COL12A1: variants seen among roughly 807,000 people sequenced by gnomAD.
The protein encoded by COL12A1 is collagen alpha-1(XII) chain.
A neutral mutation model predicts 349.7 loss-of-function variants in COL12A1; 114 were observed. The observed-to-expected ratio is 0.33, with a 90% confidence interval of 0.28 to 0.38. The LOEUF (loss-of-function observed/expected upper bound fraction) is 0.38. COL12A1 is among the 10% of genes least tolerant of loss of function. COL12A1 has a pLI of 1.00. For synonymous variants in COL12A1, 1,369 were observed against 1,329.0 expected (o/e 1.03, Z -0.66); for missense variants, 3,284 against 3,756.9 (o/e 0.87, Z 3.29).
In COL12A1 at chr6:75,101,596, T is replaced by G; in HGVS notation, c.8523+4A>C. ...ATCATTGTAGCCTGCTCAAGAAAAC[T>G]TACTCTGTCTCCTGGAGGTCCCATT... On this transcript the variant is annotated splice_donor_region_variant and intron_variant, in intron 58 of 65. Transcript: ENST00000322507. 6.2e-7 allele frequency: 1 copy of G among 1,613,172 alleles called. No individual in the cohort carries two copies. The highest frequency in any genetic ancestry group is 8.5e-7 in the Non-Finnish European group (1 of 1,179,610).
At chr6:75,195,006 A>C (rs1770146479) in intron 2 of COL12A1, 59 bp from the exon 3 acceptor site, 6 of 959,516 alleles carry the variant, frequency 6.3e-6, no homozygotes, top group Non-Finnish European at 7.9e-6. Context: ...GGTCAATTTA[A>C]TTAATAAAGA....
rs762026931 is a variant in COL12A1, at chr6:75,143,861, G to A, written c.4691-473C>T. Among the ~76,000 whole-genome samples, 86 of 152,108 alleles carry A rather than the reference G, an allele frequency of 5.7e-4. 1 individual carries two copies. Among genetic ancestry groups the A allele is most frequent in the Non-Finnish European group, 9.6e-4 (65 of 68,000 alleles). ...CATTAAGCATCCAATAAGCTTATAAGAAAACCCAGACACCTAAATTGTTAG... is the reference window on the plus strand; with the variant it reads ...CATTAAGCATCCAATAAGCTTATAAAAAAACCCAGACACCTAAATTGTTAG... On this transcript the variant is annotated intron_variant, in intron 25 of 65. Coordinates refer to ENST00000322507, the MANE Select transcript of COL12A1 (RefSeq NM_004370.6).
At chr6:75,124,418 A>G (rs1351308919) in intron 40 of COL12A1, 47 bp from the exon 41 acceptor site, 2 of 1,393,052 alleles carry the variant, frequency 1.4e-6, no homozygotes, top group Non-Finnish European at 2.0e-6. Context: ...ATTGAGGCAA[A>G]AAGTGTACTT....
Position 75,155,647 on chromosome 6 carries a change from G to A in COL12A1, c.3443+15C>T, listed in dbSNP as rs762336310. ...ATTAATTTCATCCTTTGATACAAAC[G>A]TAGTTAATTCCTACCTAAGTTCCTC... On this transcript the variant is annotated intron_variant, in intron 16 of 65. Transcript: ENST00000322507. 6.9e-6 allele frequency: 11 copies of A among 1,587,490 alleles called. No homozygotes were observed. The highest frequency in any genetic ancestry group is 2.3e-5 in the East Asian group (1 of 43,686).
chr6:75,089,186 G>T lies in COL12A1; in HGVS notation c.8942-12C>A, dbSNP rs1460507027. The T allele has an allele frequency of 6.3e-7, 1 of 1,589,870 alleles. No homozygotes were observed. The highest frequency in any genetic ancestry group is 8.5e-7 in the Non-Finnish European group (1 of 1,170,474). ...CTCTCCTGGCAAACCTAAGGAGGGA[G>T]AAAAAGAGAAAGCACAGGGGAAAAA... is the stretch of plus-strand genomic sequence containing the variant. On this transcript the variant is annotated splice_polypyrimidine_tract_variant and intron_variant, in intron 63 of 65. Transcript: ENST00000322507.
intron 13 of COL12A1, among the ~76,000 whole-genome samples, chr6:75,174,347 G>A (rs972582243): frequency 1.3e-5 from 2 of 152,058 alleles, no homozygotes; most frequent in African/African-American, 4.8e-5. Context: ...ACGAGGTCAG[G>A]AGATCGAGAT....
At position 75,130,909 on chromosome 6, in the gene COL12A1, G is replaced by C; in HGVS notation, c.6010C>G (p.Leu2004Val). Residue 2004 changes from leucine (L) to valine (V), a missense_variant, in exon 36 of 66, where the codon CTT becomes GTT. Transcript: ENST00000322507. The stretch of plus-strand genomic sequence containing the variant: ...TCTCCATCCGAGTACAGAGCCACAA[G>C]GTTCACGGAATAGAGTGTGTCCGGA... ...LIPDTLYSVNLVALYSDGEGN... is the reference protein window; with the variant it reads ...LIPDTLYSVNVVALYSDGEGN... 1 of 1,614,126 alleles carries C rather than the reference G, an allele frequency of 6.2e-7. No homozygotes were observed. The highest frequency in any genetic ancestry group is 8.5e-7 in the Non-Finnish European group (1 of 1,179,990).
intron 43 of COL12A1, among the ~76,000 whole-genome samples, chr6:75,122,130 C>T (rs1172829228): frequency 6.6e-5 from 10 of 152,070 alleles, no homozygotes; most frequent in African/African-American, 1.9e-4. Context: ...CGTGAGCCAC[C>T]GCACCTGGCC....
chr6:75,187,786 G>T (rs1479374579), intron 8 of COL12A1, among the ~76,000 whole-genome samples: 2 of 152,188 alleles, frequency 1.3e-5, no homozygotes, highest in East Asian at 3.9e-4. Flanking sequence ...ATGTTCAAAA[G>T]GATGCTTTTG....
intron 14 of COL12A1, among the ~76,000 whole-genome samples, chr6:75,158,631 T>C (rs76277336): frequency 0.033 from 4,954 of 152,240 alleles, 119 homozygotes; most frequent in South Asian, 0.1. Flanking sequence ...TATAACTATA[T>C]TTCATATGTA....
rs143166586 is a variant in COL12A1 at position 75,138,644 on chromosome 6, T to C, written c.5098-64A>G. ...AAGTCTCCACTTACATCATACACAC[T>C]CAATGGCAGTTTATTCACATTATTT... is the stretch of plus-strand genomic sequence containing the variant. On this transcript the variant is annotated intron_variant, in intron 28 of 65. Coordinates refer to ENST00000322507, the MANE Select transcript of COL12A1 (RefSeq NM_004370.6). 208 of 1,592,978 alleles carry C rather than the reference T, an allele frequency of 1.3e-4. No homozygotes were observed. The African/African-American group carries it at 2.1e-3, about 16-fold the overall frequency.
chr6:75,110,256 T>C (rs915198344), intron 51 of COL12A1, among the ~76,000 whole-genome samples: 1 of 151,994 alleles, frequency 6.6e-6, no homozygotes, highest in Admixed American at 6.6e-5. Flanking sequence ...CAACCACAGA[T>C]GCAAACATTG....
intron 64 of COL12A1, among the ~76,000 whole-genome samples, chr6:75,088,843 T>TA (rs1159667774): frequency 4.5e-4 from 68 of 151,064 alleles, no homozygotes; most frequent in African/African-American, 1.5e-3. Flanking sequence ...TACTAAAAAT[T>TA]AAAAAAAATT....
intron 8 of COL12A1, among the ~76,000 whole-genome samples, chr6:75,186,107 A>C (rs1203803982): frequency 1.3e-5 from 2 of 152,196 alleles, no homozygotes; most frequent in Non-Finnish European, 2.9e-5. Flanking sequence ...AAAAACAAAA[A>C]TTGACAAATG....
chr6:75,170,664 AT>A (rs1768579411), intron 13 of COL12A1, among the ~76,000 whole-genome samples: 1 of 152,208 alleles, frequency 6.6e-6, no homozygotes, highest in Admixed American at 6.5e-5. Flanking sequence ...AATAGAAATT[AT>A]TGTTTGGTGA....
intron 13 of COL12A1, among the ~76,000 whole-genome samples, chr6:75,167,323 T>C (rs1193973504): frequency 6.6e-6 from 1 of 152,166 alleles, no homozygotes; most frequent in Non-Finnish European, 1.5e-5. Context: ...TTGCTTGATA[T>C]ATACAATTTT....
intron 59 of COL12A1, among the ~76,000 whole-genome samples, chr6:75,095,575 C>T (rs1480805682): frequency 6.8e-6 from 1 of 148,114 alleles, no homozygotes; most frequent in Non-Finnish European, 1.5e-5. Flanking sequence ...CGAGATTGCG[C>T]CACTGCAGTC....
chr6:75,136,045 T>C (rs918784309), intron 31 of COL12A1, among the ~76,000 whole-genome samples: 3 of 152,144 alleles, frequency 2.0e-5, no homozygotes, highest in Non-Finnish European at 2.9e-5. Flanking sequence ...CTTCATACTT[T>C]CCAGAAGATA....
intron 30 of COL12A1, among the ~76,000 whole-genome samples, chr6:75,138,064 G>C (rs1197213033): frequency 6.6e-6 from 1 of 151,908 alleles, no homozygotes; most frequent in Non-Finnish European, 1.5e-5. Context: ...CTCCAGAATT[G>C]TGAGAATATA....
Sources: gnomAD v4.1 joint callset for allele counts (sites outside exome capture counted in the v4.1 genomes callset) on GRCh38, gnomAD v4.1.1 for gene constraint, MANE v1.5 for transcripts, NCBI Gene and HGNC (gene_info 2026-07-23, HGNC 2026-07-21) for gene names.